The following SKA2 variants were observed in gnomAD, a reference collection of about 807,000 sequenced individuals.
SKA2 encodes the protein spindle and kinetochore-associated protein 2.
SKA2 carries 13 observed loss-of-function variants against 16.9 expected under a neutral mutation model. That is an observed-to-expected ratio of 0.77 (90% CI 0.50 to 1.22). SKA2 has a LOEUF of 1.22. Ranked by LOEUF, SKA2 falls within the 50% of genes most tolerant of loss-of-function variation. SKA2 has a pLI of 0.00. For synonymous variants in SKA2, 47 were observed against 48.5 expected (o/e 0.97, Z 0.13); for missense variants, 107 against 139.7 (o/e 0.77, Z 1.18).
chr17:59,119,236 T>G, intron 3 of SKA2, 83 bp downstream of exon 3: 3 of 1,464,836 alleles, frequency 2.0e-6, no homozygotes, highest in Non-Finnish European at 2.8e-6. Context: ...AGTTTCAAAA[T>G]TTAAGTTACA....
At chr17:59,141,601 T>G (rs371114327) in intron 1 of SKA2, among the ~76,000 whole-genome samples, 2 of 151,624 alleles carry the variant, frequency 1.3e-5, no homozygotes, top group Non-Finnish European at 2.9e-5. Context: ...TGTGGTGGCA[T>G]GCACCTATAG....
At chr17:59,115,736 G>A (rs2046292097) in intron 3 of SKA2, among the ~76,000 whole-genome samples, 2 of 152,270 alleles carry the variant, frequency 1.3e-5, no homozygotes, top group South Asian at 4.1e-4. Flanking sequence ...TGCGACTACA[G>A]GTGCACACTG....
chr17:59,141,536 G>A (rs1012565162), intron 1 of SKA2, among the ~76,000 whole-genome samples: 2 of 151,998 alleles, frequency 1.3e-5, no homozygotes, highest in Non-Finnish European at 2.9e-5. Flanking sequence ...GACCAGCCTA[G>A]CCAATATGGT....
At chr17:59,137,424 G>A (rs2046454141) in intron 1 of SKA2, among the ~76,000 whole-genome samples, 1 of 152,084 alleles carries the variant, frequency 6.6e-6, no homozygotes, top group Admixed American at 6.6e-5. Context: ...ACACAACATG[G>A]TAGTATGGTA....
chr17:59,134,779 G>A (rs1015271062), intron 1 of SKA2, among the ~76,000 whole-genome samples: 3 of 152,036 alleles, frequency 2.0e-5, no homozygotes, highest in African/African-American at 7.2e-5. Context: ...CACAAAACAT[G>A]ATGAGTTTGG....
chr17:59,130,019 G>A (rs538467672), intron 2 of SKA2, among the ~76,000 whole-genome samples: 4 of 134,402 alleles, frequency 3.0e-5, no homozygotes, highest in African/African-American at 1.1e-4. Context: ...AAGAGAGGGA[G>A]GGAGGAAGAG....
intron 1 of SKA2, among the ~76,000 whole-genome samples, chr17:59,151,980 G>A (rs1045729392): frequency 6.6e-5 from 10 of 152,180 alleles, no homozygotes; most frequent in African/African-American, 2.4e-4. Flanking sequence ...TAATGATGGG[G>A]GGAGGTGGGA....
At chr17:59,126,230 C>T (rs1246756134) in intron 2 of SKA2, among the ~76,000 whole-genome samples, 1 of 151,874 alleles carries the variant, frequency 6.6e-6, no homozygotes, top group East Asian at 1.9e-4. Context: ...GTTTCTGGAA[C>T]AAATAAAGTT....
chr17:59,122,247 G>T (rs572578608), intron 2 of SKA2, among the ~76,000 whole-genome samples: 2 of 152,170 alleles, frequency 1.3e-5, no homozygotes, highest in East Asian at 3.8e-4. Context: ...GCCAAGGCGG[G>T]AGGATCGCTT....
intron 2 of SKA2, among the ~76,000 whole-genome samples, chr17:59,125,273 G>A (rs1358180643): frequency 6.7e-6 from 1 of 149,852 alleles, no homozygotes; most frequent in Non-Finnish European, 1.5e-5. Context: ...TTACAGGTAT[G>A]AGCCACCGCG....
At chr17:59,127,385 A>G (rs919659274) in intron 2 of SKA2, among the ~76,000 whole-genome samples, 2 of 151,934 alleles carry the variant, frequency 1.3e-5, no homozygotes, top group Admixed American at 6.6e-5. Flanking sequence ...TTTTACTACA[A>G]TTTCTTTTCT....
At chr17:59,134,844 AT>A (rs985385796) in intron 1 of SKA2, among the ~76,000 whole-genome samples, 1 of 151,550 alleles carries the variant, frequency 6.6e-6, no homozygotes, top group East Asian at 1.9e-4. Context: ...TTTGTCATTT[AT>A]TTTTTTTGAG....
chr17:59,134,560 CTT>C (rs575554451), intron 1 of SKA2, among the ~76,000 whole-genome samples: 3 of 143,806 alleles, frequency 2.1e-5, no homozygotes, highest in African/African-American at 2.5e-5. Context: ...GGTAACTTTC[CTT>C]TTTTTTTTTG....
chr17:59,137,946 C>T (rs1350811114), intron 1 of SKA2: 5 of 379,190 alleles, frequency 1.3e-5, no homozygotes, highest in Admixed American at 7.3e-5. Context: ...TCTGATAAAT[C>T]GCGCAAATTT....
At chr17:59,139,641 C>T (rs1220382482) in intron 1 of SKA2, among the ~76,000 whole-genome samples, 4 of 152,080 alleles carry the variant, frequency 2.6e-5, no homozygotes, top group African/African-American at 9.7e-5. Context: ...TCAGCCACTG[C>T]ACCCGGCCAG....
At chr17:59,113,706 ATCCT>A (rs2046278254) in intron 3 of SKA2, among the ~76,000 whole-genome samples, 1 of 151,932 alleles carries the variant, frequency 6.6e-6, no homozygotes, top group Non-Finnish European at 1.5e-5. Context: ...GGCACCTGTA[ATCCT>A]AGCTACTCGG....
chr17:59,140,556 G>A (rs540105738), intron 1 of SKA2, among the ~76,000 whole-genome samples: 1 of 151,190 alleles, frequency 6.6e-6, no homozygotes, highest in South Asian at 2.1e-4. Flanking sequence ...TGGAACAATT[G>A]CTAGGATATA....
chr17:59,133,459 G>T (rs1406515771), intron 1 of SKA2, among the ~76,000 whole-genome samples: 1 of 152,162 alleles, frequency 6.6e-6, no homozygotes, highest in East Asian at 1.9e-4. Flanking sequence ...AAACATAGGA[G>T]GCTGTTTGCA....
chr17:59,118,935 C>T (rs987859816), intron 3 of SKA2, among the ~76,000 whole-genome samples: 2 of 152,176 alleles, frequency 1.3e-5, no homozygotes, highest in Non-Finnish European at 2.9e-5. Flanking sequence ...CCTTCCCATG[C>T]TCGTGGCAGA....
Sources: allele counts gnomAD v4.1 joint callset (sites outside exome capture counted in the v4.1 genomes callset), GRCh38; gene constraint gnomAD v4.1.1; transcripts MANE v1.5; gene names NCBI Gene and HGNC (gene_info 2026-07-23, HGNC 2026-07-21).